RBFOX1: variants seen among roughly 807,000 people sequenced by gnomAD.
The protein encoded by RBFOX1 is RNA binding fox-1 homolog 1.
A neutral mutation model predicts 57.7 loss-of-function variants in RBFOX1; 8 were observed. The observed-to-expected ratio is 0.14, with a 90% confidence interval of 0.08 to 0.25. The LOEUF is 0.25. RBFOX1 is among the 10% of genes least tolerant of loss of function. RBFOX1 has a pLI of 1.00. For synonymous variants in RBFOX1, 326 were observed against 222.4 expected (o/e 1.47, Z -4.15); for missense variants, 611 against 548.5 (o/e 1.11, Z -1.14).
intron 2 of RBFOX1, among the ~76,000 whole-genome samples, chr16:6,320,642 A>T (rs747221625): frequency 1.3e-5 from 2 of 152,148 alleles, no homozygotes; most frequent in Admixed American, 1.3e-4. Flanking sequence ...AAGAGAATAG[A>T]TAAGGAATAT....
At chr16:7,195,440 G>A (rs2086459354) in intron 4 of RBFOX1, among the ~76,000 whole-genome samples, 1 of 152,162 alleles carries the variant, frequency 6.6e-6, no homozygotes, top group Admixed American at 6.5e-5. Flanking sequence ...TGGGCAGGTG[G>A]CTGTCCTCTA....
chr16:7,028,857 G>T (rs757810765), intron 3 of RBFOX1, among the ~76,000 whole-genome samples: 4 of 150,586 alleles, frequency 2.7e-5, no homozygotes, highest in Admixed American at 1.3e-4. Context: ...TGTGGGCATC[G>T]CTTGGATCTG....
intron 3 of RBFOX1, among the ~76,000 whole-genome samples, chr16:6,824,212 C>G (rs752798257): frequency 3.3e-5 from 5 of 152,202 alleles, no homozygotes; most frequent in Non-Finnish European, 7.3e-5. Flanking sequence ...CGAGACCAGT[C>G]TGGCCAACAT....
At chr16:5,903,823 T>C (rs1404016655) in intron 4 of RBFOX1, among the ~76,000 whole-genome samples, 1 of 152,082 alleles carries the variant, frequency 6.6e-6, no homozygotes, top group Non-Finnish European at 1.5e-5. Flanking sequence ...AATTGACCAG[T>C]TTTCATTGCG....
chr16:5,505,821 C>G (rs1004445860), intron 2 of RBFOX1, among the ~76,000 whole-genome samples: 1 of 152,150 alleles, frequency 6.6e-6, no homozygotes, highest in South Asian at 2.1e-4. Context: ...GGTACCTTCT[C>G]CCTAGACCGT....
At chr16:7,558,142 C>A (rs1403852418) in intron 5 of RBFOX1, among the ~76,000 whole-genome samples, 1 of 152,098 alleles carries the variant, frequency 6.6e-6, no homozygotes, top group Non-Finnish European at 1.5e-5. Context: ...TCACTGGAAC[C>A]CAGGAGTTCA....
At chr16:5,587,971 CA>C (rs1567264463) in intron 2 of RBFOX1, among the ~76,000 whole-genome samples, 2 of 152,062 alleles carry the variant, frequency 1.3e-5, no homozygotes, top group African/African-American at 4.8e-5. Flanking sequence ...TGTCCATCAG[CA>C]GATTCGTGGA....
intron 2 of RBFOX1, among the ~76,000 whole-genome samples, chr16:5,535,824 C>G (rs958828431): frequency 1.5e-4 from 23 of 152,342 alleles, no homozygotes; most frequent in Middle Eastern, 3.4e-3. Flanking sequence ...CGACAAAAGA[C>G]TTGTCGACAG....
At chr16:7,571,829 G>A (rs1018363111) in intron 5 of RBFOX1, among the ~76,000 whole-genome samples, 2 of 152,014 alleles carry the variant, frequency 1.3e-5, no homozygotes, top group East Asian at 1.9e-4. Context: ...CATGGCCTGA[G>A]AAATAAAACA....
At chr16:6,398,411 C>G (rs568313900) in intron 2 of RBFOX1, among the ~76,000 whole-genome samples, 2 of 152,184 alleles carry the variant, frequency 1.3e-5, no homozygotes, top group Non-Finnish European at 2.9e-5. Flanking sequence ...AAGTCCAAGT[C>G]AAAAGTCTCA....
At chr16:6,055,595 A>AAG (rs1375809268) in intron 1 of RBFOX1, among the ~76,000 whole-genome samples, 1 of 149,542 alleles carries the variant, frequency 6.7e-6, no homozygotes, top group African/African-American at 2.4e-5. Flanking sequence ...TCCGTCAAAA[A>AAG]AAAAAAAAAA....
intron 4 of RBFOX1, among the ~76,000 whole-genome samples, chr16:7,209,887 C>A (rs182917148): frequency 6.6e-6 from 1 of 152,144 alleles, no homozygotes; most frequent in East Asian, 1.9e-4. Flanking sequence ...CTTGAAAATG[C>A]CTGACCCCTA....
chr16:5,981,149 A>G (rs987121779), intron 4 of RBFOX1, among the ~76,000 whole-genome samples: 3 of 152,212 alleles, frequency 2.0e-5, no homozygotes, highest in African/African-American at 7.2e-5. Flanking sequence ...ATTAAGTAAA[A>G]GACATTGGGT....
rs1489196179 is a variant in RBFOX1, at chr16:6,819,728, AAAAT to A, written c.-16+165081_-16+165084del. 1.3e-4 allele frequency among the ~76,000 whole-genome samples: 13 copies of A among 101,854 alleles called. 4 individuals are homozygous for A. The highest frequency in any genetic ancestry group is 6.8e-4 in the East Asian group (2 of 2,920). The allele number at this position is 101,854 out of a possible 152,430, so 66.8% of individuals were successfully genotyped here. ...CTCAAAAAAAAAAAAAAAAAAAAAA[AAAAT>A]AACAACACCAAAAGGTATATAGTAT... On this transcript the variant is annotated intron_variant, in intron 3 of 15. Transcript: ENST00000550418.
At chr16:6,716,415 A>T (rs887892140) in intron 3 of RBFOX1, among the ~76,000 whole-genome samples, 4 of 152,074 alleles carry the variant, frequency 2.6e-5, no homozygotes, top group African/African-American at 9.7e-5. Context: ...AAAGCGGTGG[A>T]ATTTTTTTTT....
At chr16:7,572,644 C>G (rs887599953) in intron 5 of RBFOX1, among the ~76,000 whole-genome samples, 1 of 152,050 alleles carries the variant, frequency 6.6e-6, no homozygotes, top group East Asian at 1.9e-4. Context: ...TCGAGACCAT[C>G]CTGGCTAACG....
intron 1 of RBFOX1, among the ~76,000 whole-genome samples, chr16:6,177,195 T>A (rs558329317): frequency 1.5e-3 from 234 of 151,980 alleles, no homozygotes; most frequent in Non-Finnish European, 2.5e-3. Flanking sequence ...TGTTTTTTTT[T>A]TTTTTTTCCT....
intron 5 of RBFOX1, among the ~76,000 whole-genome samples, chr16:7,522,297 C>T (rs1486161759): frequency 1.7e-4 from 26 of 152,084 alleles, no homozygotes; most frequent in Non-Finnish European, 2.6e-4. Context: ...AAGGACAGAA[C>T]ATTGGAGAGC....
At chr16:6,328,049 T>G (rs1005373046) in intron 2 of RBFOX1, among the ~76,000 whole-genome samples, 1 of 152,224 alleles carries the variant, frequency 6.6e-6, no homozygotes, top group South Asian at 2.1e-4. Context: ...CTAATGCCCA[T>G]CAATCAATGA....
Sources: allele counts gnomAD v4.1 joint callset (sites outside exome capture counted in the v4.1 genomes callset), GRCh38; gene constraint gnomAD v4.1.1; transcripts MANE v1.5; gene names NCBI Gene and HGNC (gene_info 2026-07-23, HGNC 2026-07-21).